SPRED1: variants seen among roughly 807,000 people sequenced by gnomAD.
SPRED1 encodes the protein sprouty related EVH1 domain containing 1, also known as sprouty-related, EVH1 domain-containing protein 1.
Under a neutral mutation model 52.3 loss-of-function variants are expected in SPRED1, and 18 were observed. The ratio of observed to expected loss-of-function variants is 0.34; its 90% CI spans 0.24 to 0.51. SPRED1 has a LOEUF of 0.51. Ranked by LOEUF, SPRED1 falls within the 20% of genes least tolerant of loss-of-function variation. SPRED1 has a pLI of 0.97. For synonymous variants in SPRED1, 155 were observed against 179.7 expected (o/e 0.86, Z 1.10); for missense variants, 485 against 551.0 (o/e 0.88, Z 1.20).
rs758092431 is a variant in SPRED1, at chr15:38,355,831, A to G, written c.*4167A>G. On this transcript the variant is annotated 3_prime_UTR_variant, in exon 7 of 7. Transcript: ENST00000299084. Reference sequence around the variant, plus strand: ...GTTGCACTAAAAAAGTCTATAAATCATAATAGCACCATGAGGTGTTTTGCA... The same window carrying G: ...GTTGCACTAAAAAAGTCTATAAATCGTAATAGCACCATGAGGTGTTTTGCA... The G allele has an allele frequency of 1.3e-5, 2 of 152,220 alleles. No homozygotes were observed. Among genetic ancestry groups the G allele is most frequent in the South Asian group, 2.1e-4 (1 of 4,834 alleles). The allele number at this position is 152,220 out of a possible 1,614,324, so 9.4% of individuals were successfully genotyped here. A position where few individuals can be genotyped will look rare whatever the true frequency, so the allele number is the denominator to read the frequency against.
intron 1 of SPRED1, among the ~76,000 whole-genome samples, chr15:38,292,411 A>G (rs1438711319): frequency 2.6e-5 from 4 of 152,128 alleles, no homozygotes; most frequent in African/African-American, 7.2e-5. Context: ...CTCTACTGGT[A>G]CCAATTTACT....
chr15:38,300,868 A>G (rs1895137031), intron 2 of SPRED1, among the ~76,000 whole-genome samples: 1 of 152,170 alleles, frequency 6.6e-6, no homozygotes, highest in Admixed American at 6.5e-5. Context: ...GAAGGCGCCT[A>G]TGATGGTATA....
chr15:38,257,223 T>G (rs1894116076), intron 1 of SPRED1, among the ~76,000 whole-genome samples: 1 of 145,088 alleles, frequency 6.9e-6, no homozygotes, highest in South Asian at 2.2e-4. Flanking sequence ...AATCATATAA[T>G]ATTGTGATTA....
chr15:38,284,117 T>A (rs1212612192), intron 1 of SPRED1, among the ~76,000 whole-genome samples: 1 of 152,200 alleles, frequency 6.6e-6, no homozygotes, highest in Admixed American at 6.5e-5. Context: ...TAAAATGTTT[T>A]TATTTCTATA....
chr15:38,349,826 A>G (rs1030384063), intron 6 of SPRED1, among the ~76,000 whole-genome samples: 1 of 152,158 alleles, frequency 6.6e-6, no homozygotes, highest in Non-Finnish European at 1.5e-5. Flanking sequence ...CTTAGCCCTA[A>G]TTCCATGTAT....
At chr15:38,316,779 T>C (rs1216944157) in intron 2 of SPRED1, among the ~76,000 whole-genome samples, 1 of 140,554 alleles carries the variant, frequency 7.1e-6, no homozygotes, top group East Asian at 2.1e-4. Context: ...TTTTGGTTAA[T>C]GTCTTTATTT....
At chr15:38,289,428 A>G (rs1222149958) in intron 1 of SPRED1, among the ~76,000 whole-genome samples, 1 of 141,786 alleles carries the variant, frequency 7.1e-6, no homozygotes, top group Non-Finnish European at 1.5e-5. Flanking sequence ...TTTTCCTGTT[A>G]TATGCCATTT....
At chr15:38,275,713 G>A (rs771842094) in intron 1 of SPRED1, among the ~76,000 whole-genome samples, 4 of 152,168 alleles carry the variant, frequency 2.6e-5, no homozygotes, top group Non-Finnish European at 4.4e-5. Context: ...CGTCAGGCTG[G>A]TCTTGAACTC....
At chr15:38,344,631 C>G (rs180975039) in intron 5 of SPRED1, among the ~76,000 whole-genome samples, 13 of 152,164 alleles carry the variant, frequency 8.5e-5, no homozygotes, top group Non-Finnish European at 1.5e-4. Flanking sequence ...AGCTGTGTGG[C>G]CTTGGGCAAG....
At chr15:38,266,831 C>T (rs1382513196) in intron 1 of SPRED1, among the ~76,000 whole-genome samples, 1 of 31,334 alleles carries the variant, frequency 3.2e-5, no homozygotes. Flanking sequence ...CTAAGTGAGC[C>T]AAAAAGAAAA....
chr15:38,254,407 G>T (rs974324051), intron 1 of SPRED1, among the ~76,000 whole-genome samples: 6 of 152,172 alleles, frequency 3.9e-5, no homozygotes, highest in African/African-American at 1.2e-4. Context: ...TGTAGAAGGA[G>T]GTACATTGCT....
Position 38,353,320 on chromosome 15 carries a change from ACTAT to A in SPRED1, c.*1659_*1662del, listed in dbSNP as rs57589132. The A allele has an allele frequency of 0.2, 30,331 of 152,312 alleles. 3,142 individuals are homozygous for A. The highest frequency in any genetic ancestry group is 0.24 in the Middle Eastern group (69 of 292). The allele number at this position is 152,312 out of a possible 1,614,324, so 9.4% of individuals were successfully genotyped here. Reference sequence around the variant, plus strand: ...GATCAAACTGAACAATGTATATAACACTATCTGTCTGTAAAATACTTTTTTTAAG... The same window carrying A: ...GATCAAACTGAACAATGTATATAACACTGTCTGTAAAATACTTTTTTTAAG... On this transcript the variant is annotated 3_prime_UTR_variant, in exon 7 of 7. Transcript: ENST00000299084.
chr15:38,342,019 T>A (rs1194875848), intron 5 of SPRED1, among the ~76,000 whole-genome samples: 1 of 148,964 alleles, frequency 6.7e-6, no homozygotes, highest in Non-Finnish European at 1.5e-5. Context: ...CATATATAGT[T>A]GGGTTTGGGT....
intron 1 of SPRED1, among the ~76,000 whole-genome samples, chr15:38,293,818 T>C (rs1034506776): frequency 3.3e-5 from 5 of 152,220 alleles, no homozygotes; most frequent in African/African-American, 1.2e-4. Flanking sequence ...GGTTCTTAAA[T>C]ATGATATACT....
chr15:38,341,347 G>A (rs1381485038), intron 5 of SPRED1, among the ~76,000 whole-genome samples: 1 of 150,990 alleles, frequency 6.6e-6, no homozygotes, highest in African/African-American at 2.4e-5. Context: ...TTAGGTTTTA[G>A]CTTTACCCTT....
At position 38,352,395 on chromosome 15, in the gene SPRED1, T is replaced by G. The variant is rs1888509991; in HGVS notation, c.*731T>G. ...TATATTGAGTTATATCTGTACATTC[T>G]GGTAATCTAAAATCCTTAAAAATAC... On this transcript the variant is annotated 3_prime_UTR_variant, in exon 7 of 7. Transcript: ENST00000299084. 2.0e-5 allele frequency: 3 copies of G among 152,504 alleles called. No homozygotes were observed. The highest frequency in any genetic ancestry group is 2.9e-5 in the Non-Finnish European group (2 of 67,990). The allele number at this position is 152,504 out of a possible 1,614,324, so 9.4% of individuals were successfully genotyped here.
intron 1 of SPRED1, among the ~76,000 whole-genome samples, chr15:38,265,209 T>A (rs1249661577): frequency 6.6e-6 from 1 of 152,166 alleles, no homozygotes; most frequent in Non-Finnish European, 1.5e-5. Context: ...TCTTTGTCCT[T>A]GCCTTTTATC....
At chr15:38,327,160 T>C (rs1895722973) in intron 4 of SPRED1, among the ~76,000 whole-genome samples, 1 of 152,154 alleles carries the variant, frequency 6.6e-6, no homozygotes, top group Non-Finnish European at 1.5e-5. Context: ...GGAAATTTCA[T>C]CTGTACCTGC....
At chr15:38,261,456 C>T (rs1212655228) in intron 1 of SPRED1, among the ~76,000 whole-genome samples, 1 of 152,190 alleles carries the variant, frequency 6.6e-6, no homozygotes, top group African/African-American at 2.4e-5. Context: ...AAAGAATAAC[C>T]TTTAGTAAAT....
Sources: allele counts gnomAD v4.1 joint callset (sites outside exome capture counted in the v4.1 genomes callset), GRCh38; gene constraint gnomAD v4.1.1; transcripts MANE v1.5; gene names NCBI Gene and HGNC (gene_info 2026-07-23, HGNC 2026-07-21).